Variants in TMEM132C observed in about 807,000 individuals in gnomAD.
TMEM132C encodes transmembrane protein 132C, also known as protein phosphatase 1, regulatory subunit 152.
TMEM132C carries 29 observed loss-of-function variants against 61.4 expected under a neutral mutation model. The observed-to-expected ratio is 0.47, with a 90% confidence interval of 0.35 to 0.64. The LOEUF (loss-of-function observed/expected upper bound fraction) is 0.64, where lower values mean the gene tolerates loss of function less well. Ranked by LOEUF, TMEM132C falls within the 30% of genes least tolerant of loss-of-function variation. The pLI, the probability that TMEM132C is intolerant of heterozygous loss-of-function variation, is 0.00. For synonymous variants in TMEM132C, 656 were observed against 633.1 expected (o/e 1.04, Z -0.54); for missense variants, 1,408 against 1,476.9 (o/e 0.95, Z 0.76).
intron 5 of TMEM132C, among the ~76,000 whole-genome samples, chr12:128,686,573 A>G (rs7294320): frequency 0.2 from 30,307 of 152,158 alleles, 3,653 homozygotes; most frequent in African/African-American, 0.34. Flanking sequence ...AGCCTGGACA[A>G]CAGAGCAAGA....
At position 128,517,738 on chromosome 12, in the gene TMEM132C, C is replaced by G. The variant is rs933331192; in HGVS notation, c.975-26219C>G. ...CAGACGTTGTTATTGGTAAAATTCT[C>G]CAAGCTTTACCCAGCAGCCATGTCC... is the stretch of plus-strand genomic sequence containing the variant. On this transcript the variant is annotated intron_variant, in intron 2 of 8. Coordinates refer to ENST00000435159, the MANE Select transcript of TMEM132C (RefSeq NM_001136103.3). Among the ~76,000 whole-genome samples the G allele has an allele frequency of 6.6e-5, 10 of 152,244 alleles. No individual in the cohort carries two copies. In the East Asian group the frequency reaches 1.5e-3, roughly 24 times the overall value.
chr12:128,479,432 C>T (rs74546162), intron 2 of TMEM132C, among the ~76,000 whole-genome samples: 11,782 of 152,292 alleles, frequency 0.077, 528 homozygotes, highest in Middle Eastern at 0.12. Flanking sequence ...CAGCTGCTTT[C>T]GCACAGCCAG....
intron 2 of TMEM132C, among the ~76,000 whole-genome samples, chr12:128,441,575 C>T (rs1869788571): frequency 1.3e-5 from 2 of 152,196 alleles, no homozygotes; most frequent in Non-Finnish European, 2.9e-5. Flanking sequence ...GTGTCCCCTG[C>T]AGTCACCTGC....
At chr12:128,478,899 T>G (rs913139007) in intron 2 of TMEM132C, among the ~76,000 whole-genome samples, 3 of 152,212 alleles carry the variant, frequency 2.0e-5, no homozygotes, top group South Asian at 2.1e-4. Flanking sequence ...CTCGCCACCT[T>G]TCTGTGCATT....
intron 1 of TMEM132C, among the ~76,000 whole-genome samples, chr12:128,396,786 G>A (rs1183690864): frequency 2.6e-5 from 4 of 152,126 alleles, no homozygotes; most frequent in Admixed American, 6.5e-5. Flanking sequence ...ATTGGAGCCC[G>A]GTGGGCTGGC....
intron 4 of TMEM132C, among the ~76,000 whole-genome samples, chr12:128,653,669 G>C (rs766215302): frequency 1.3e-5 from 2 of 152,210 alleles, no homozygotes; most frequent in African/African-American, 2.4e-5. Context: ...GGGGGAGAAT[G>C]TAAGTGCCGG....
chr12:128,606,735 C>A (rs1195148063), intron 3 of TMEM132C, among the ~76,000 whole-genome samples: 1 of 152,156 alleles, frequency 6.6e-6, no homozygotes, highest in Non-Finnish European at 1.5e-5. Context: ...GTGGACTCTG[C>A]CACAGATGGA....
intron 5 of TMEM132C, among the ~76,000 whole-genome samples, chr12:128,673,550 A>C (rs530571391): frequency 5.9e-5 from 9 of 152,286 alleles, no homozygotes; most frequent in African/African-American, 1.2e-4. Context: ...AAGCTCCAGA[A>C]GAAGGCACTG....
intron 1 of TMEM132C, among the ~76,000 whole-genome samples, chr12:128,318,495 A>G (rs1565899711): frequency 6.6e-6 from 1 of 152,218 alleles, no homozygotes; most frequent in Non-Finnish European, 1.5e-5. Context: ...AACAGGGGTC[A>G]TTATGTGTTC....
intron 4 of TMEM132C, among the ~76,000 whole-genome samples, chr12:128,636,154 A>T (rs1275847482): frequency 6.6e-6 from 1 of 152,028 alleles, no homozygotes; most frequent in Admixed American, 6.6e-5. Context: ...GGGCTCAAGC[A>T]ATCCTCCCAA....
At chr12:128,443,749 G>A (rs78364519) in intron 2 of TMEM132C, among the ~76,000 whole-genome samples, 2,792 of 152,164 alleles carry the variant, frequency 0.018, 98 homozygotes, top group African/African-American at 0.064. Context: ...CTAAAGGCTC[G>A]CTGTCTCCTG....
intron 1 of TMEM132C, among the ~76,000 whole-genome samples, chr12:128,391,992 A>G (rs913253761): frequency 6.6e-6 from 1 of 152,006 alleles, no homozygotes; most frequent in Non-Finnish European, 1.5e-5. Flanking sequence ...ACTGATATCT[A>G]TGACCTGAAC....
In TMEM132C at chr12:128,544,014, G is replaced by C. The variant is rs1020070302; in HGVS notation, c.1032G>C (p.Gln344His). The part of the protein sequence containing the change: ...ILSAQTREPR[Q>H]WGVKQEVGSG... ...GTGCTCAGACCCGTGAGCCCCGGCAGTGGGGCGTCAAGCAGGAGGTGGGCA... is the reference window on the plus strand; with the variant it reads ...GTGCTCAGACCCGTGAGCCCCGGCACTGGGGCGTCAAGCAGGAGGTGGGCA... Residue 344 changes from glutamine to histidine, a missense_variant, in exon 3 of 9, where the codon CAG (glutamine) becomes CAC (histidine). Gln to His is a conservative substitution (Grantham distance 24, BLOSUM62 0). Transcript: ENST00000435159. 9 of 1,549,156 alleles carry C rather than the reference G, an allele frequency of 5.8e-6. No homozygotes were observed. Among genetic ancestry groups the C allele is most frequent in the South Asian group, 3.6e-5 (3 of 83,394 alleles).
At chr12:128,550,278 G>GGA (rs2136154573) in intron 3 of TMEM132C, among the ~76,000 whole-genome samples, 1 of 151,870 alleles carries the variant, frequency 6.6e-6, no homozygotes, top group South Asian at 2.1e-4. Context: ...CTCTGTGCAT[G>GGA]GAGAGAGAGA....
At chr12:128,323,537 C>T (rs182341985) in intron 1 of TMEM132C, among the ~76,000 whole-genome samples, 6 of 152,280 alleles carry the variant, frequency 3.9e-5, no homozygotes, top group Admixed American at 3.3e-4. Context: ...TAGCAAGAGG[C>T]GAATCTTTGC....
At chr12:128,318,214 G>A (rs1010677961) in intron 1 of TMEM132C, among the ~76,000 whole-genome samples, 3 of 152,156 alleles carry the variant, frequency 2.0e-5, no homozygotes, top group Admixed American at 2.0e-4. Flanking sequence ...AATTCCTAGA[G>A]GACCAGTTTT....
intron 4 of TMEM132C, among the ~76,000 whole-genome samples, chr12:128,626,944 G>T (rs1472595331): frequency 6.6e-5 from 10 of 152,154 alleles, no homozygotes; most frequent in Admixed American, 6.5e-4. Flanking sequence ...ACCCCAGCCT[G>T]CCGAGTCAAG....
chr12:128,539,272 A>C (rs1323308126), intron 2 of TMEM132C, among the ~76,000 whole-genome samples: 1 of 152,194 alleles, frequency 6.6e-6, no homozygotes, highest in African/African-American at 2.4e-5. Flanking sequence ...GATGGAACAC[A>C]TGCTCAAGTA....
At chr12:128,315,267 C>T (rs1872112986) in intron 1 of TMEM132C, among the ~76,000 whole-genome samples, 1 of 152,106 alleles carries the variant, frequency 6.6e-6, no homozygotes, top group African/African-American at 2.4e-5. Flanking sequence ...GCCCCAGCGT[C>T]AGTGTGTGGA....
Sources: gnomAD v4.1 joint callset for allele counts (sites outside exome capture counted in the v4.1 genomes callset) on GRCh38, gnomAD v4.1.1 for gene constraint, MANE v1.5 for transcripts, NCBI Gene and HGNC (gene_info 2026-07-23, HGNC 2026-07-21) for gene names.